The following SPAG1 variants were observed in gnomAD, a reference collection of about 807,000 sequenced individuals.
The protein encoded by SPAG1 is sperm-associated antigen 1.
In SPAG1, 69 loss-of-function variants were observed where a neutral mutation model predicts 100.5. That is an observed-to-expected ratio of 0.69 (90% confidence interval 0.57 to 0.84). SPAG1 has a LOEUF of 0.84. Among genes scored for constraint, SPAG1 ranks in the 40% least tolerant of loss-of-function variants. SPAG1 has a pLI of 0.00. For synonymous variants in SPAG1, 336 were observed against 411.6 expected, an observed-to-expected ratio of 0.82 and a Z score of 2.22; for missense variants, 955 against 1,133.1, an observed-to-expected ratio of 0.84 and a Z score of 2.26.
chr8:100,170,290 C>T lies in SPAG1; in HGVS notation c.300+4317C>T, dbSNP rs2132215379. On this transcript the variant is annotated intron_variant, in intron 3 of 18. Coordinates refer to ENST00000388798, the MANE Select transcript of SPAG1 (RefSeq NM_003114.5). Reference sequence around the variant, plus strand: ...ACTTATTCCTAAGCATTATATGTAGCTCATGCTATTATAAATGTTAATATT... The same window carrying T: ...ACTTATTCCTAAGCATTATATGTAGTTCATGCTATTATAAATGTTAATATT... Among the ~76,000 whole-genome samples the T allele has an allele frequency of 1.3e-5, 2 of 152,250 alleles. 1 individual carries two copies. The highest frequency in any genetic ancestry group is 6.8e-3 in the Middle Eastern group (2 of 294).
At chr8:100,205,044 A>G (rs1817448561) in intron 10 of SPAG1, among the ~76,000 whole-genome samples, 1 of 152,192 alleles carries the variant, frequency 6.6e-6, no homozygotes, top group Non-Finnish European at 1.5e-5. Context: ...TAGGAAGCCT[A>G]CTGCATTCCT....
intron 12 of SPAG1, among the ~76,000 whole-genome samples, chr8:100,219,827 T>C (rs1465100996): frequency 6.6e-6 from 1 of 152,244 alleles, no homozygotes; most frequent in Non-Finnish European, 1.5e-5. Flanking sequence ...TTGCAGCAAG[T>C]GAATCATAAT....
intron 3 of SPAG1, among the ~76,000 whole-genome samples, chr8:100,176,308 CTT>C (rs1816112045): frequency 6.6e-6 from 1 of 151,336 alleles, no homozygotes; most frequent in African/African-American, 2.4e-5. Context: ...CATATAATGA[CTT>C]TGCTTTTTCT....
Position 100,230,326 on chromosome 8 carries a change from G to A in SPAG1, c.1856-830G>A, listed in dbSNP as rs1818710239. Among the ~76,000 whole-genome samples, 3 of 152,326 alleles carry A rather than the reference G, an allele frequency of 2.0e-5. No homozygotes were observed. The South Asian group carries it at 6.2e-4, about 32-fold the overall frequency. On this transcript the variant is annotated intron_variant, in intron 14 of 18. Coordinates refer to ENST00000388798, the MANE Select transcript of SPAG1 (RefSeq NM_003114.5). Reference sequence around the variant, plus strand: ...ATATTTGTATCCCATTTCATTGACTGGTTCTGTCGTATCCAAGCTTAACCA... The same window carrying A: ...ATATTTGTATCCCATTTCATTGACTAGTTCTGTCGTATCCAAGCTTAACCA...
chr8:100,210,114 T>C (rs1586487939), intron 10 of SPAG1, among the ~76,000 whole-genome samples: 1 of 152,268 alleles, frequency 6.6e-6, no homozygotes, highest in Non-Finnish European at 1.5e-5. Flanking sequence ...TATCTTTGAA[T>C]ATGATGTTGG....
Position 100,165,992 on chromosome 8 carries a change from T to C in SPAG1, c.300+19T>C. ...TATAAAGGTATATAGTAATACCAAT[T>C]TTCCATAGATATTGTTGAGACATTC... On this transcript the variant is annotated intron_variant, in intron 3 of 18. Transcript: ENST00000388798. 6 of 1,579,464 alleles carry C rather than the reference T, an allele frequency of 3.8e-6. No individual in the cohort carries two copies. Among genetic ancestry groups the C allele is most frequent in the Non-Finnish European group, 5.2e-6 (6 of 1,157,748 alleles).
At chr8:100,233,559 TGCA>T (rs1246977545) in intron 16 of SPAG1, 22 bp downstream of exon 16, 2 of 1,562,326 alleles carry the variant, frequency 1.3e-6, no homozygotes, top group South Asian at 2.3e-5. Flanking sequence ...TTCATTTTAA[TGCA>T]TAAACTTCAG....
At chr8:100,222,277 C>T (rs1465516339) in intron 13 of SPAG1, among the ~76,000 whole-genome samples, 1 of 152,162 alleles carries the variant, frequency 6.6e-6, no homozygotes, top group Non-Finnish European at 1.5e-5. Flanking sequence ...TAACACTGGG[C>T]CCTCTTTTAT....
Position 100,175,285 on chromosome 8 carries a change from T to C in SPAG1, c.301-2531T>C, listed in dbSNP as rs551646575. 6.3e-3 allele frequency among the ~76,000 whole-genome samples: 594 copies of C among 94,952 alleles called. 5 individuals are homozygous for C. Among genetic ancestry groups the C allele is most frequent in the African/African-American group, 0.018 (554 of 30,294 alleles). 62.3% of individuals were successfully genotyped at this position (94,952 alleles called of 152,430 possible). On this transcript the variant is annotated intron_variant, in intron 3 of 18. Transcript: ENST00000388798. ...TAGAGAAGGGCGTGCAGTGAAGTTC[T>C]TTTTTTTTTTTTTTTTTGAGATAGA...
chr8:100,207,296 G>T (rs1482126630), intron 10 of SPAG1, among the ~76,000 whole-genome samples: 2 of 152,174 alleles, frequency 1.3e-5, no homozygotes, highest in Non-Finnish European at 2.9e-5. Context: ...TACATGAGGA[G>T]GTGGCTCAAA....
intron 12 of SPAG1, among the ~76,000 whole-genome samples, chr8:100,219,861 G>C (rs1818181025): frequency 6.6e-6 from 1 of 152,180 alleles, no homozygotes; most frequent in African/African-American, 2.4e-5. Flanking sequence ...TTAGAGTGCC[G>C]ATTTTCAAAA....
intron 8 of SPAG1, among the ~76,000 whole-genome samples, chr8:100,189,273 C>T (rs1475775618): frequency 5.3e-5 from 8 of 151,488 alleles, no homozygotes; most frequent in Non-Finnish European, 1.0e-4. Flanking sequence ...GCCAGGAGTT[C>T]GAGACCAGCC....
intron 17 of SPAG1, 119 bp from the exon 18 acceptor site, chr8:100,240,284 G>A: frequency 1.1e-6 from 1 of 875,490 alleles, no homozygotes; most frequent in South Asian, 2.6e-5. Flanking sequence ...TTTTCACTTG[G>A]AACTGGACTA....
chr8:100,207,759 G>A (rs1047047656), intron 10 of SPAG1, among the ~76,000 whole-genome samples: 2 of 152,184 alleles, frequency 1.3e-5, no homozygotes, highest in South Asian at 4.1e-4. Context: ...TTTGACCAAG[G>A]CACTCACTTT....
rs754229235 is a variant in SPAG1, at chr8:100,239,348, G to T, written c.2224G>T (p.Asp742Tyr). The change falls in exon 17 of 19, where the codon GAT becomes TAT. Residue 742 changes from aspartate (D) to tyrosine (Y), a missense_variant. By Grantham distance (160) the Asp-to-Tyr change is radical. Transcript: ENST00000388798. The surrounding 1 kb of genome is among the most constrained non-coding windows in gnomAD (Gnocchi z 5.0). ...EEVTRLLNLK[D>Y]KTAPFNKEKE... ...GGTAACTAGACTCCTTAATCTTAAG[G>T]ATAAGACAGCACCATTCAACAAAGA... is the stretch of plus-strand genomic sequence containing the variant. 5 of 1,601,936 alleles carry T rather than the reference G, an allele frequency of 3.1e-6. No homozygotes were observed. In the Admixed American group the frequency reaches 8.5e-5, roughly 27 times the overall value.
chr8:100,213,388 C>CGGCAAGTACTCGGCGGCA lies in SPAG1; in HGVS notation c.1396_1413dup (p.Gly466_Ala471dup). ...GAAGCGGGCAGTTCGCCGAGGCGGC[C>CGGCAAGTACTCGGCGGCA]GGCAAGTACTCGGCGGCAATCGCGC... On this transcript the variant is annotated inframe_insertion, in exon 11 of 19. Transcript: ENST00000388798. The CGGCAAGTACTCGGCGGCA allele has an allele frequency of 6.9e-7, 1 of 1,450,740 alleles. No homozygotes were observed. The highest frequency in any genetic ancestry group is 9.1e-7 in the Non-Finnish European group (1 of 1,100,080). 89.9% of individuals were successfully genotyped at this position (1,450,740 alleles called of 1,614,324 possible).
chr8:100,237,504 A>G (rs1399226951), intron 16 of SPAG1, among the ~76,000 whole-genome samples: 1 of 152,208 alleles, frequency 6.6e-6, no homozygotes, highest in Non-Finnish European at 1.5e-5. Flanking sequence ...CATCAATGAC[A>G]GTCTGTAATT....
chr8:100,214,788 T>C (rs1326949914), intron 12 of SPAG1, among the ~76,000 whole-genome samples: 1 of 151,830 alleles, frequency 6.6e-6, no homozygotes, highest in Non-Finnish European at 1.5e-5. Context: ...GAGACCGTCC[T>C]GGCCAACATG....
chr8:100,168,630 G>A (rs940969995), intron 3 of SPAG1, among the ~76,000 whole-genome samples: 7 of 143,572 alleles, frequency 4.9e-5, no homozygotes, highest in African/African-American at 1.8e-4. Flanking sequence ...GAACTCCTGG[G>A]CTGCTTTGGC....
Sources: allele counts gnomAD v4.1 joint callset (sites outside exome capture counted in the v4.1 genomes callset), GRCh38; gene constraint gnomAD v4.1.1; non-coding constraint Gnocchi (gnomAD v3.1); transcripts MANE v1.5; gene names NCBI Gene and HGNC (gene_info 2026-07-23, HGNC 2026-07-21).